NHSL3: variants seen among roughly 807,000 people sequenced by gnomAD.
NHSL3 encodes NHS-like protein 3.
the NHSL3 span, chr1:32,772,287 C>G: frequency 6.3e-7 from 1 of 1,592,400 alleles, no homozygotes; most frequent in Non-Finnish European, 8.6e-7. Flanking sequence ...TCCCCCCACC[C>G]GCCTCCCCCA....
the NHSL3 span, chr1:32,770,699 T>C: frequency 4.5e-6 from 7 of 1,540,462 alleles, no homozygotes; most frequent in Non-Finnish European, 6.1e-6. The surrounding 1 kb of genome is among the most constrained non-coding windows in gnomAD (Gnocchi z 8.3). Context: ...ACCCACTCCC[T>C]CCATCAGCGG....
the NHSL3 span, among the ~76,000 whole-genome samples, chr1:32,755,918 G>T: frequency 7.8e-4 from 119 of 152,232 alleles, no homozygotes; most frequent in African/African-American, 2.8e-3. Flanking sequence ...ATGGTCGCTC[G>T]GATCTGATGG....
the NHSL3 span, among the ~76,000 whole-genome samples, chr1:32,751,591 G>A: frequency 6.6e-6 from 1 of 152,150 alleles, no homozygotes; most frequent in Admixed American, 6.5e-5. Context: ...TACTATATCA[G>A]AAGGCAGCAC....
chr1:32,771,337 T>TC, the NHSL3 span: 1 of 1,588,210 alleles, frequency 6.3e-7, no homozygotes, highest in Non-Finnish European at 8.6e-7. Context: ...ACTGCAGGAG[T>TC]CTCCTGTCAT....
chr1:32,764,172 T>TA, the NHSL3 span, among the ~76,000 whole-genome samples: 1 of 152,094 alleles, frequency 6.6e-6, no homozygotes, highest in Non-Finnish European at 1.5e-5. Flanking sequence ...ATTCTTTTCT[T>TA]AGAGGGGCTT....
the NHSL3 span, chr1:32,770,414 C>T: frequency 3.1e-6 from 5 of 1,607,898 alleles, no homozygotes; most frequent in Non-Finnish European, 8.5e-7. This position sits in a 1 kb window ranked among gnomAD's most constrained non-coding sequence, Gnocchi z 8.3. Context: ...CCATCCTCCT[C>T]CAGTGACACC....
the NHSL3 span, among the ~76,000 whole-genome samples, chr1:32,745,622 A>G: frequency 1.3e-5 from 2 of 151,602 alleles, no homozygotes; most frequent in African/African-American, 4.8e-5. Context: ...AAGCTACAAG[A>G]TGCTGGCAGG....
chr1:32,773,218 C>T, the NHSL3 span: 41 of 422,714 alleles, frequency 9.7e-5, no homozygotes, highest in East Asian at 1.6e-3. Flanking sequence ...GAGCAGGACA[C>T]CTCACCTGAG....
the NHSL3 span, chr1:32,769,847 C>T: frequency 6.2e-7 from 1 of 1,611,538 alleles, no homozygotes; most frequent in African/African-American, 1.3e-5. Context: ...CATCCCCTCT[C>T]TGCTGACCCC....
At chr1:32,769,821 G>A in the NHSL3 span, 5 of 1,610,948 alleles carry the variant, frequency 3.1e-6, no homozygotes, top group South Asian at 5.5e-5. Context: ...TGGTGGGGTG[G>A]GTGGGGAGCC....
At chr1:32,747,224 C>T in the NHSL3 span, among the ~76,000 whole-genome samples, 5 of 149,574 alleles carry the variant, frequency 3.3e-5, no homozygotes, top group African/African-American at 9.9e-5. Flanking sequence ...CTCACTCTGT[C>T]GCCCAGGCTG....
the NHSL3 span, among the ~76,000 whole-genome samples, chr1:32,760,589 T>G: frequency 2.6e-5 from 2 of 76,034 alleles, no homozygotes; most frequent in African/African-American, 4.0e-5. Flanking sequence ...TGTGTGTGTG[T>G]TTTTTTTTTT....
the NHSL3 span, chr1:32,770,313 C>G: frequency 6.2e-7 from 1 of 1,612,468 alleles, no homozygotes; most frequent in South Asian, 1.1e-5. The surrounding 1 kb of genome is among the most constrained non-coding windows in gnomAD (Gnocchi z 8.3). Context: ...GCACACTAAG[C>G]CGCTGCAGCC....
chr1:32,765,808 A>G, the NHSL3 span: 1 of 1,547,058 alleles, frequency 6.5e-7, no homozygotes, highest in Non-Finnish European at 8.7e-7. Flanking sequence ...CGGCGCTCCT[A>G]GGGCTGTTTA....
chr1:32,770,346 A>T, the NHSL3 span: 4 of 1,611,090 alleles, frequency 2.5e-6, no homozygotes, highest in African/African-American at 5.3e-5. The surrounding 1 kb of genome is among the most constrained non-coding windows in gnomAD (Gnocchi z 8.3). Flanking sequence ...GCCCAGCCTC[A>T]GTCCGCTCGC....
At chr1:32,753,974 G>C in the NHSL3 span, 9 of 360,276 alleles carry the variant, frequency 2.5e-5, no homozygotes, top group Admixed American at 9.9e-5. Flanking sequence ...AGCTGGGGCT[G>C]GGGGCGCCCG....
chr1:32,763,266 G>A, the NHSL3 span, among the ~76,000 whole-genome samples: 2 of 152,248 alleles, frequency 1.3e-5, no homozygotes, highest in Admixed American at 1.3e-4. Context: ...TTACAGGCGT[G>A]AGCCACCGTG....
chr1:32,752,906 C>T, the NHSL3 span, among the ~76,000 whole-genome samples: 2 of 3,200 alleles, frequency 6.3e-4, no homozygotes, highest in Non-Finnish European at 6.9e-4. Flanking sequence ...AACATGCACA[C>T]ACACACACAC....
At chr1:32,772,956 A>G in the NHSL3 span, 4 of 1,496,094 alleles carry the variant, frequency 2.7e-6, no homozygotes, top group African/African-American at 1.4e-5. Flanking sequence ...GAGCAGCTCC[A>G]AGGACGAGAG....
Sources: allele counts gnomAD v4.1 joint callset (sites outside exome capture counted in the v4.1 genomes callset), GRCh38; gene constraint gnomAD v4.1.1; non-coding constraint Gnocchi (gnomAD v3.1); transcripts MANE v1.5; gene names NCBI Gene and HGNC (gene_info 2026-07-23, HGNC 2026-07-21).